The following EYS variants were observed in gnomAD, a reference collection of about 807,000 sequenced individuals.
EYS encodes EGF-like photoreceptor maintenance factor, also known as protein eyes shut homolog.
A neutral mutation model predicts 282.1 loss-of-function variants in EYS; 250 were observed. The ratio of observed to expected loss-of-function variants is 0.89; its 90% CI spans 0.80 to 0.98. The LOEUF is 0.98. EYS is among the 50% of genes least tolerant of loss of function. EYS has a pLI of 0.00. For missense variants in EYS, 4,016 were observed against 3,709.0 expected, an observed-to-expected ratio of 1.08 and a Z score of -2.15; for synonymous variants, 1,355 against 1,282.9, an observed-to-expected ratio of 1.06 and a Z score of -1.20.
At chr6:65,393,199 C>T (rs912078469) in intron 7 of EYS, among the ~76,000 whole-genome samples, 1 of 152,026 alleles carries the variant, frequency 6.6e-6, no homozygotes, top group Non-Finnish European at 1.5e-5. Flanking sequence ...GGAGGGATAG[C>T]ATTGGGAGAT....
chr6:64,581,401 G>A (rs1216530243), intron 26 of EYS, among the ~76,000 whole-genome samples: 3 of 152,064 alleles, frequency 2.0e-5, no homozygotes, highest in African/African-American at 7.2e-5. Context: ...CAAAAAAGTA[G>A]AGAAAATGTA....
At chr6:64,789,752 T>A (rs996754389) in intron 22 of EYS, among the ~76,000 whole-genome samples, 2 of 152,054 alleles carry the variant, frequency 1.3e-5, no homozygotes, top group Non-Finnish European at 2.9e-5. Flanking sequence ...CTTTAAAGAA[T>A]CCTTGTGTCT....
chr6:65,205,610 T>C (rs1237443699), intron 12 of EYS, among the ~76,000 whole-genome samples: 1 of 151,872 alleles, frequency 6.6e-6, no homozygotes, highest in African/African-American at 2.4e-5. Context: ...ATTTTTCTCA[T>C]CTACACATGG....
chr6:64,491,375 G>A (rs185841781), intron 26 of EYS, among the ~76,000 whole-genome samples: 9 of 150,864 alleles, frequency 6.0e-5, no homozygotes, highest in Non-Finnish European at 1.2e-4. Context: ...TTACTTGATA[G>A]AAATTAGATT....
At chr6:64,553,255 AATAT>A (rs1765141331) in intron 26 of EYS, among the ~76,000 whole-genome samples, 2 of 152,154 alleles carry the variant, frequency 1.3e-5, no homozygotes, top group Non-Finnish European at 2.9e-5. Context: ...ATTAGCCAGC[AATAT>A]ACTTAATTAT....
intron 22 of EYS, among the ~76,000 whole-genome samples, chr6:64,629,752 C>T (rs1767721439): frequency 6.6e-6 from 1 of 152,138 alleles, no homozygotes; most frequent in African/African-American, 2.4e-5. Flanking sequence ...GTTACACTAG[C>T]TTATTAGGTC....
At chr6:63,987,635 T>G (rs1263885697) in intron 34 of EYS, among the ~76,000 whole-genome samples, 1 of 151,694 alleles carries the variant, frequency 6.6e-6, no homozygotes, top group African/African-American at 2.4e-5. Flanking sequence ...AACATTTGTG[T>G]GGGTAACATC....
At chr6:65,483,236 T>C (rs1269004937) in intron 5 of EYS, among the ~76,000 whole-genome samples, 5 of 152,130 alleles carry the variant, frequency 3.3e-5, no homozygotes, top group African/African-American at 1.2e-4. Context: ...ATGTGAAATA[T>C]CTGAAAAATC....
In EYS at chr6:64,484,360, C is replaced by CA. The variant is rs112366576; in HGVS notation, c.5645-45009dup. Among the ~76,000 whole-genome samples the CA allele has an allele frequency of 2.2e-3, 304 of 140,408 alleles. 1 individual carries two copies. Among genetic ancestry groups the CA allele is most frequent in the Middle Eastern group, 3.8e-3 (1 of 266 alleles). The allele number at this position is 140,408 out of a possible 152,430, so 92.1% of individuals were successfully genotyped here. On this transcript the variant is annotated intron_variant, in intron 26 of 42. Coordinates refer to ENST00000503581, the MANE Select transcript of EYS (RefSeq NM_001142800.2). The stretch of plus-strand genomic sequence containing the variant: ...TGCACCTCAGCAAAGGGCATAAGAG[C>CA]AAAAAAAAAAAAGTAGCTGTTGCAA...
chr6:64,655,445 G>A (rs1768710721), intron 22 of EYS, among the ~76,000 whole-genome samples: 1 of 151,876 alleles, frequency 6.6e-6, no homozygotes, highest in South Asian at 2.1e-4. Context: ...AATATCTAAT[G>A]CATATTATAT....
At chr6:65,190,409 A>AT (rs1446018639) in intron 12 of EYS, among the ~76,000 whole-genome samples, 2 of 150,400 alleles carry the variant, frequency 1.3e-5, no homozygotes, top group Non-Finnish European at 3.0e-5. Flanking sequence ...TGTTATACTC[A>AT]TTTTTTCTTT....
At chr6:63,971,937 T>C (rs1393262944) in intron 35 of EYS, among the ~76,000 whole-genome samples, 1 of 152,208 alleles carries the variant, frequency 6.6e-6, no homozygotes, top group South Asian at 2.1e-4. Context: ...TGAAACATAC[T>C]AAACTCAAAG....
At chr6:63,849,583 CCTGA>C (rs1772188658) in intron 36 of EYS, among the ~76,000 whole-genome samples, 1 of 152,084 alleles carries the variant, frequency 6.6e-6, no homozygotes, top group Non-Finnish European at 1.5e-5. Flanking sequence ...AGAAGAGGGG[CCTGA>C]CTGTTAGAAG....
intron 1 of EYS, among the ~76,000 whole-genome samples, chr6:65,683,598 A>C (rs190080565): frequency 6.6e-6 from 1 of 152,156 alleles, no homozygotes; most frequent in Non-Finnish European, 1.5e-5. Flanking sequence ...CAATTCCTCC[A>C]TGGAAATATC....
Position 64,399,460 on chromosome 6 carries a change from A to C in EYS, c.5928-10620T>G, listed in dbSNP as rs144040401. 3.6e-4 allele frequency among the ~76,000 whole-genome samples: 54 copies of C among 151,876 alleles called. No individual in the cohort carries two copies. In the East Asian group the frequency reaches 0.01, roughly 28 times the overall value. ...TATTGTCTATTTAGTTTATTTTTTG[A>C]AATTATAGAATCACCACCACAATTA... On this transcript the variant is annotated intron_variant, in intron 28 of 42. Transcript: ENST00000503581.
intron 12 of EYS, among the ~76,000 whole-genome samples, chr6:65,141,355 G>A (rs1478707365): frequency 6.6e-6 from 1 of 151,970 alleles, no homozygotes; most frequent in Non-Finnish European, 1.5e-5. Flanking sequence ...GGTGGCGGGA[G>A]CGGGGAGGGA....
At chr6:64,601,041 C>T (rs1232269889) in intron 24 of EYS, among the ~76,000 whole-genome samples, 2 of 151,932 alleles carry the variant, frequency 1.3e-5, no homozygotes, top group Admixed American at 6.6e-5. Context: ...ACTTAACTAC[C>T]ACCTTCTAAA....
intron 28 of EYS, among the ~76,000 whole-genome samples, chr6:64,423,488 A>C (rs551709690): frequency 1.3e-5 from 2 of 152,346 alleles, no homozygotes; most frequent in South Asian, 4.1e-4. Flanking sequence ...CTAACATTAT[A>C]GAATCGTCAT....
At chr6:64,682,325 G>T (rs1277341177) in intron 22 of EYS, among the ~76,000 whole-genome samples, 1 of 151,980 alleles carries the variant, frequency 6.6e-6, no homozygotes, top group African/African-American at 2.4e-5. Flanking sequence ...CCGAAATCGC[G>T]CCACTGTACT....
Sources: allele counts gnomAD v4.1 joint callset (sites outside exome capture counted in the v4.1 genomes callset), GRCh38; gene constraint gnomAD v4.1.1; transcripts MANE v1.5; gene names NCBI Gene and HGNC (gene_info 2026-07-23, HGNC 2026-07-21).